Variants in RAD18 observed in about 807,000 individuals in gnomAD.
The protein encoded by RAD18 is RAD18 E3 ubiquitin protein ligase.
Under a neutral mutation model 60.4 loss-of-function variants are expected in RAD18, and 47 were observed. That is an observed-to-expected ratio of 0.78 (90% CI 0.62 to 0.99). The LOEUF (loss-of-function observed/expected upper bound fraction) is 0.99. Ranked by LOEUF, RAD18 falls within the 50% of genes least tolerant of loss-of-function variation. The probability of loss-of-function intolerance (pLI) is 0.00; values close to 1 mark genes in which losing one functional copy is unlikely to be tolerated. For missense variants in RAD18, 640 were observed against 593.3 expected (o/e 1.08, Z -0.82); for synonymous variants, 225 against 195.5 (o/e 1.15, Z -1.26).
intron 7 of RAD18, among the ~76,000 whole-genome samples, chr3:8,916,424 A>T (rs541324615): frequency 6.6e-6 from 1 of 152,256 alleles, no homozygotes; most frequent in African/African-American, 2.4e-5. Context: ...ACCCTCTCTG[A>T]GGCACAGGCT....
chr3:8,895,877 A>T (rs996561024), intron 11 of RAD18, among the ~76,000 whole-genome samples: 2 of 152,244 alleles, frequency 1.3e-5, no homozygotes, highest in Admixed American at 6.5e-5. Context: ...GTCACATGCT[A>T]TACATGCTGT....
At chr3:8,903,413 C>T (rs1939948840) in intron 9 of RAD18, among the ~76,000 whole-genome samples, 1 of 152,170 alleles carries the variant, frequency 6.6e-6, no homozygotes, top group Non-Finnish European at 1.5e-5. Flanking sequence ...AAAGGAATGT[C>T]CGTCTACTCC....
Position 8,913,734 on chromosome 3 carries a change from A to T in RAD18, c.890-14T>A. 6.7e-7 allele frequency: 1 copy of T among 1,485,206 alleles called. No homozygotes were observed. The highest frequency in any genetic ancestry group is 9.2e-7 in the Non-Finnish European group (1 of 1,086,288). The allele number at this position is 1,485,206 out of a possible 1,614,324, so 92.0% of individuals were successfully genotyped here. The stretch of plus-strand genomic sequence containing the variant: ...CTATTTCAGCAGCTGTTAAAATAAG[A>T]AAATAACCACTAGGTTAATCACATG... On this transcript the variant is annotated splice_polypyrimidine_tract_variant and intron_variant, in intron 7 of 12. Coordinates refer to ENST00000264926, the MANE Select transcript of RAD18 (RefSeq NM_020165.4).
At chr3:8,962,802 T>C (rs1941112347) in intron 1 of RAD18, among the ~76,000 whole-genome samples, 1 of 152,142 alleles carries the variant, frequency 6.6e-6, no homozygotes, top group Non-Finnish European at 1.5e-5. Flanking sequence ...ACATGAGCAA[T>C]TGTTAGAGAA....
chr3:8,907,155 C>T (rs1214233161), intron 9 of RAD18, among the ~76,000 whole-genome samples: 1 of 152,208 alleles, frequency 6.6e-6, no homozygotes, highest in Non-Finnish European at 1.5e-5. Flanking sequence ...CCTGGAATAC[C>T]CACTTGCCCA....
intron 9 of RAD18, among the ~76,000 whole-genome samples, chr3:8,910,483 A>G (rs769103622): frequency 2.0e-5 from 3 of 151,986 alleles, no homozygotes; most frequent in Non-Finnish European, 4.4e-5. Context: ...GCCTGTACTC[A>G]GGAGGCGCCA....
chr3:8,902,062 C>T (rs1331111541), intron 10 of RAD18, among the ~76,000 whole-genome samples: 4 of 152,178 alleles, frequency 2.6e-5, no homozygotes, highest in African/African-American at 9.7e-5. Context: ...ATAATTCACT[C>T]TCTTTACAGG....
At position 8,949,612 on chromosome 3, in the gene RAD18, C is replaced by T. The variant is rs565895794; in HGVS notation, c.134-1042G>A. Among the ~76,000 whole-genome samples, 12 of 152,202 alleles carry T rather than the reference C, an allele frequency of 7.9e-5. No homozygotes were observed. In the South Asian group the frequency reaches 2.5e-3, roughly 32 times the overall value. ...ACAAACTGAAAAACCAACAACTTTT[C>T]GTAGATCCAGCAGAAAAGCAGGGTC... is the stretch of plus-strand genomic sequence containing the variant. On this transcript the variant is annotated intron_variant, in intron 2 of 12. Transcript: ENST00000264926.
intron 1 of RAD18, 82 bp from the exon 2 acceptor site, chr3:8,959,083 T>TA (rs574448646): frequency 0.021 from 19,055 of 887,620 alleles, 6 homozygotes; most frequent in Non-Finnish European, 0.023. Context: ...CTCTATCCCC[T>TA]AAAAAAAAAA....
At chr3:8,914,888 C>G (rs1940170571) in intron 7 of RAD18, among the ~76,000 whole-genome samples, 1 of 152,150 alleles carries the variant, frequency 6.6e-6, no homozygotes, top group African/African-American at 2.4e-5. Context: ...CCTCTAATCC[C>G]AGCACTTTGA....
chr3:8,917,513 G>T (rs963627776), intron 7 of RAD18, among the ~76,000 whole-genome samples: 1 of 152,084 alleles, frequency 6.6e-6, no homozygotes, highest in African/African-American at 2.4e-5. Context: ...ACAATACAAA[G>T]AATTAGGAGT....
intron 12 of RAD18, among the ~76,000 whole-genome samples, chr3:8,887,467 A>C (rs1694923045): frequency 6.6e-6 from 1 of 152,190 alleles, no homozygotes; most frequent in African/African-American, 2.4e-5. Flanking sequence ...GTGTAAAGAA[A>C]CTGAGACCCC....
intron 4 of RAD18, 158 bp downstream of exon 4, chr3:8,947,062 T>C: frequency 1.6e-6 from 1 of 619,402 alleles, no homozygotes; most frequent in Non-Finnish European, 2.8e-6. Flanking sequence ...AATCTTACTC[T>C]AGTAAATTTT....
chr3:8,887,697 A>C (rs1308836318), intron 12 of RAD18, among the ~76,000 whole-genome samples: 1 of 152,210 alleles, frequency 6.6e-6, no homozygotes, highest in Non-Finnish European at 1.5e-5. Context: ...CAAGTCAAGT[A>C]AAGTAAAAGT....
intron 7 of RAD18, among the ~76,000 whole-genome samples, chr3:8,924,752 A>G (rs1465546013): frequency 1.2e-3 from 155 of 125,298 alleles, no homozygotes; most frequent in East Asian, 2.0e-3. Flanking sequence ...CAGGATTAAG[A>G]AACTCACTCA....
chr3:8,932,815 T>C (rs45617043), intron 7 of RAD18, among the ~76,000 whole-genome samples: 2,846 of 152,200 alleles, frequency 0.019, 49 homozygotes, highest in South Asian at 0.037. Context: ...ATAAATGCAC[T>C]GGCTGGGCAC....
At chr3:8,935,399 C>G (rs1940631320) in intron 7 of RAD18, among the ~76,000 whole-genome samples, 1 of 152,208 alleles carries the variant, frequency 6.6e-6, no homozygotes, top group Admixed American at 6.5e-5. Flanking sequence ...TTACTGAAAG[C>G]TAACTACTTG....
Position 8,899,175 on chromosome 3 carries a change from T to G in RAD18, c.1169-128A>C, listed in dbSNP as rs189171278. On this transcript the variant is annotated intron_variant, in intron 10 of 12. Coordinates refer to ENST00000264926, the MANE Select transcript of RAD18 (RefSeq NM_020165.4). ...GTATATGTCACATAGATTCCAGAAC[T>G]CTAGTGACAGCCAGAGAGCAAGAAT... 7.5e-5 allele frequency: 47 copies of G among 624,906 alleles called. 1 individual carries two copies. The Admixed American group carries it at 1.6e-3, about 22-fold the overall frequency. The allele number at this position is 624,906 out of a possible 1,614,324, so 38.7% of individuals were successfully genotyped here. A position where few individuals can be genotyped will look rare whatever the true frequency, so the allele number is the denominator to read the frequency against.
At chr3:8,934,755 C>T (rs1402639357) in intron 7 of RAD18, among the ~76,000 whole-genome samples, 2 of 152,014 alleles carry the variant, frequency 1.3e-5, no homozygotes, top group Non-Finnish European at 2.9e-5. Flanking sequence ...ATGTGCACCA[C>T]AAGATATATA....
Sources: allele counts gnomAD v4.1 joint callset (sites outside exome capture counted in the v4.1 genomes callset), GRCh38; gene constraint gnomAD v4.1.1; transcripts MANE v1.5; gene names NCBI Gene and HGNC (gene_info 2026-07-23, HGNC 2026-07-21).